Variants in ALG12 observed in about 807,000 individuals in gnomAD.
ALG12 encodes the protein ALG12 alpha-1,6-mannosyltransferase, also known as dol-P-Man:Man(7)GlcNAc(2)-PP-Dol alpha-1,6-mannosyltransferase.
Under a neutral mutation model 46.0 loss-of-function variants are expected in ALG12, and 36 were observed. That is an observed-to-expected ratio of 0.78 (90% CI 0.60 to 1.03). The LOEUF is 1.03. Among genes scored for constraint, ALG12 ranks in the 50% least tolerant of loss-of-function variants. The pLI, the probability that ALG12 is intolerant of heterozygous loss-of-function variation, is 0.00. For synonymous variants in ALG12, 326 were observed against 291.6 expected (o/e 1.12, Z -1.20); for missense variants, 599 against 633.5 (o/e 0.95, Z 0.58).
At chr22:49,890,781 C>G in the ALG12 span, among the ~76,000 whole-genome samples, 1 of 152,136 alleles carries the variant, frequency 6.6e-6, no homozygotes, top group Non-Finnish European at 1.5e-5. Context: ...CTTTGGGAGG[C>G]TGAGGTGGGC....
intron 3 of ALG12, among the ~76,000 whole-genome samples, chr22:49,910,830 C>T (rs1344662534): frequency 6.6e-6 from 1 of 152,240 alleles, no homozygotes; most frequent in Non-Finnish European, 1.5e-5. Context: ...GAACTGAGGA[C>T]CCTTGCGGGG....
the ALG12 span, chr22:49,884,163 C>T: frequency 3.7e-6 from 6 of 1,612,634 alleles, no homozygotes; most frequent in East Asian, 4.5e-5. Context: ...CACACCCGAC[C>T]GTGCTCATTC....
the ALG12 span, among the ~76,000 whole-genome samples, chr22:49,860,677 T>G: frequency 6.6e-6 from 1 of 152,230 alleles, no homozygotes; most frequent in Non-Finnish European, 1.5e-5. Flanking sequence ...ATTTTTAGAT[T>G]TAGGATTTTT....
intron 3 of ALG12, among the ~76,000 whole-genome samples, chr22:49,912,820 T>C (rs959628699): frequency 6.6e-6 from 1 of 152,026 alleles, no homozygotes; most frequent in East Asian, 1.9e-4. Context: ...TGAGCTATGA[T>C]TGCACCACTG....
chr22:49,903,718 G>A lies in ALG12; in HGVS notation c.*120C>T, dbSNP rs1275448491. On this transcript the variant is annotated 3_prime_UTR_variant, in exon 10 of 10. Coordinates refer to ENST00000330817, the MANE Select transcript of ALG12 (RefSeq NM_024105.4). ...CTGGTCTGGTGTCTGTCAGAGGCAG[G>A]TGCCCAGTCCTTTGACTTGCTTCTC... 4 of 1,166,274 alleles carry A rather than the reference G, an allele frequency of 3.4e-6. No homozygotes were observed. In the South Asian group the frequency reaches 3.8e-5, roughly 11 times the overall value. 72.2% of individuals were successfully genotyped at this position (1,166,274 alleles called of 1,614,324 possible).
chr22:49,903,590 C>T lies in ALG12; in HGVS notation c.*248G>A. The T allele has an allele frequency of 1.5e-6, 1 of 672,924 alleles. No homozygotes were observed. The highest frequency in any genetic ancestry group is 2.7e-6 in the Non-Finnish European group (1 of 366,286). The allele number at this position is 672,924 out of a possible 1,614,324, so 41.7% of individuals were successfully genotyped here. A position where few individuals can be genotyped will look rare whatever the true frequency, so the allele number is the denominator to read the frequency against. On this transcript the variant is annotated 3_prime_UTR_variant, in exon 10 of 10. Coordinates refer to ENST00000330817, the MANE Select transcript of ALG12 (RefSeq NM_024105.4). ...CACCCGCAGGAAGCCCTGAGCTGGC[C>T]ACCATCACCCTGGGCAGTGGCTCCC...
At chr22:49,907,594 C>T in intron 7 of ALG12, 127 bp downstream of exon 7, 1 of 1,103,794 alleles carries the variant, frequency 9.1e-7, no homozygotes, top group Non-Finnish European at 1.3e-6. Context: ...AAGCCCCACT[C>T]CAGCTGGGCG....
At chr22:49,871,753 A>ATTT in the ALG12 span, among the ~76,000 whole-genome samples, 109 of 46,822 alleles carry the variant, frequency 2.3e-3, no homozygotes, top group South Asian at 0.015. Flanking sequence ...TTATTTATTT[A>ATTT]TTTATTTTTT....
At position 49,907,824 on chromosome 22, in the gene ALG12, C is replaced by T. The variant is rs199937362; in HGVS notation, c.889G>A (p.Gly297Ser). The change falls in exon 7 of 10, where the codon GGC becomes AGC. Residue 297 changes from glycine (G) to serine (S), a missense_variant. Transcript: ENST00000330817. ...AGGAGGGAGTAGAGTGCCATGAAGC[C>T]CAGTGCCAGCACCGTCGGCGCGTGC... ...RTHAPTVLAL[G>S]FMALYSLLPH... is the part of the protein sequence containing the mutation. The T allele has an allele frequency of 6.3e-5, 101 of 1,613,932 alleles. No homozygotes were observed. The highest frequency in any genetic ancestry group is 8.5e-5 in the Non-Finnish European group (100 of 1,180,020).
the ALG12 span, chr22:49,884,671 G>A: frequency 9.3e-6 from 15 of 1,609,412 alleles, no homozygotes; most frequent in Admixed American, 3.3e-5. Flanking sequence ...GGCACACCGC[G>A]CCATCGTGTT....
downstream of ALG12, among the ~76,000 whole-genome samples, chr22:49,898,590 A>C (rs1439208240): frequency 6.6e-6 from 1 of 151,766 alleles, no homozygotes; most frequent in Non-Finnish European, 1.5e-5. Flanking sequence ...GGGTTTCACC[A>C]TGTTGGCCAG....
the ALG12 span, chr22:49,887,825 C>CTTTA: frequency 6.0e-6 from 1 of 167,276 alleles, no homozygotes. Flanking sequence ...TGCATTCAGG[C>CTTTA]TTTACATGGT....
At chr22:49,890,125 G>A in the ALG12 span, 1 of 153,310 alleles carries the variant, frequency 6.5e-6, no homozygotes, top group Non-Finnish European at 1.5e-5. Context: ...AGGCTGAGGT[G>A]GGAGGACTGC....
At chr22:49,908,231 G>A (rs576997306) in intron 6 of ALG12, among the ~76,000 whole-genome samples, 5 of 152,266 alleles carry the variant, frequency 3.3e-5, no homozygotes, top group East Asian at 3.9e-4. Flanking sequence ...TTTCTTCACT[G>A]TTAAAAACAG....
At chr22:49,863,911 G>C in the ALG12 span, among the ~76,000 whole-genome samples, 6 of 152,332 alleles carry the variant, frequency 3.9e-5, no homozygotes, top group African/African-American at 1.4e-4. Context: ...TCTTTGGACA[G>C]TGAGAGCCCC....
chr22:49,881,175 G>C, the ALG12 span, among the ~76,000 whole-genome samples: 2 of 152,114 alleles, frequency 1.3e-5, no homozygotes, highest in African/African-American at 2.4e-5. Context: ...GCGAAACCCC[G>C]TCTCTACTAA....
the ALG12 span, among the ~76,000 whole-genome samples, chr22:49,860,583 A>G: frequency 7.9e-5 from 12 of 151,946 alleles, no homozygotes; most frequent in Non-Finnish European, 1.5e-5. Flanking sequence ...CTCTTGTTTT[A>G]TTTTTTATTT....
At chr22:49,887,994 T>C in the ALG12 span, 1 of 167,284 alleles carries the variant, frequency 6.0e-6, no homozygotes, top group African/African-American at 2.4e-5. Context: ...ATCTCCACGC[T>C]CTGAAGCTGT....
intron 1 of ALG12, among the ~76,000 whole-genome samples, chr22:49,914,268 C>T (rs1199584854): frequency 2.6e-5 from 4 of 152,196 alleles, no homozygotes; most frequent in Non-Finnish European, 4.4e-5. Context: ...GTGGGAGGCA[C>T]CAAGCTGGAG....
Sources: allele counts gnomAD v4.1 joint callset (sites outside exome capture counted in the v4.1 genomes callset), GRCh38; gene constraint gnomAD v4.1.1; transcripts MANE v1.5; gene names NCBI Gene and HGNC (gene_info 2026-07-23, HGNC 2026-07-21).